The following ELP2 variants were observed in gnomAD, a reference collection of about 807,000 sequenced individuals.
The protein encoded by ELP2 is elongator complex protein 2.
ELP2 carries 90 observed loss-of-function variants against 119.2 expected under a neutral mutation model. The observed-to-expected ratio is 0.75, with a 90% CI of 0.64 to 0.90. The LOEUF (loss-of-function observed/expected upper bound fraction) is 0.90. Ranked by LOEUF, ELP2 falls within the 40% of genes least tolerant of loss-of-function variation. The pLI is 0.00. For synonymous variants in ELP2, 339 were observed against 331.0 expected (o/e 1.02, Z -0.26); for missense variants, 921 against 967.8 (o/e 0.95, Z 0.64).
chr18:36,171,253 C>T (rs2091073390), intron 21 of ELP2, 93 bp downstream of exon 21: 2 of 816,844 alleles, frequency 2.4e-6, no homozygotes, highest in Admixed American at 2.0e-5. Context: ...TGGAGAGGGA[C>T]ATATATCTGT....
chr18:36,169,477 G>A (rs1308081878), intron 19 of ELP2, among the ~76,000 whole-genome samples: 1 of 149,390 alleles, frequency 6.7e-6, no homozygotes, highest in African/African-American at 2.5e-5. Flanking sequence ...ACCTCTGCCT[G>A]CTAGGTTCAA....
chr18:36,130,133 C>G (rs1166157446), intron 1 of ELP2, 62 bp downstream of exon 1: 7 of 1,609,486 alleles, frequency 4.3e-6, no homozygotes, highest in Non-Finnish European at 5.9e-6. Context: ...TGGACGTGCT[C>G]CGGGCGCGCT....
Position 36,166,319 on chromosome 18 carries a change from G to GTTTTTTTTTGTTTTT in ELP2, c.1955-773_1955-772insGTTTTTTTTTTTTTT, listed in dbSNP as rs1568022192. On this transcript the variant is annotated intron_variant, in intron 18 of 21. Transcript: ENST00000358232. The stretch of plus-strand genomic sequence containing the variant: ...AGTTATGTGGTTTTTGTTTTTTAGG[G>GTTTTTTTTTGTTTTT]TTTTTTTTTTTTTTTTTTTTTTTTT... 4.2e-5 allele frequency among the ~76,000 whole-genome samples: 3 copies of GTTTTTTTTTGTTTTT among 71,650 alleles called. 1 individual carries two copies. The highest frequency in any genetic ancestry group is 7.6e-5 in the Non-Finnish European group (3 of 39,304). The allele number at this position is 71,650 out of a possible 152,430, so 47.0% of individuals were successfully genotyped here.
chr18:36,139,173 C>CT (rs1236992361), intron 5 of ELP2, among the ~76,000 whole-genome samples: 1 of 152,148 alleles, frequency 6.6e-6, no homozygotes, highest in Non-Finnish European at 1.5e-5. Context: ...AGGAAAGAAT[C>CT]TAATTCTTTA....
At chr18:36,174,392 A>G (rs949874121) in intron 21 of ELP2, 93 bp from the exon 22 acceptor site, 2 of 1,248,060 alleles carry the variant, frequency 1.6e-6, no homozygotes, top group African/African-American at 3.0e-5. Flanking sequence ...CGATTTTAAA[A>G]CCTGTACATT....
At chr18:36,136,912 A>G (rs916290417) in intron 3 of ELP2, among the ~76,000 whole-genome samples, 4 of 152,268 alleles carry the variant, frequency 2.6e-5, no homozygotes, top group African/African-American at 9.6e-5. Context: ...CACTTCTGTC[A>G]TGTTATGTTT....
At chr18:36,163,223 T>A (rs2090791682) in intron 17 of ELP2, among the ~76,000 whole-genome samples, 1 of 151,714 alleles carries the variant, frequency 6.6e-6, no homozygotes, top group Non-Finnish European at 1.5e-5. Flanking sequence ...TCCATTTTGC[T>A]GCAGAAGACA....
At chr18:36,139,435 C>A (rs2089945218) in intron 5 of ELP2, 1 of 1,535,398 alleles carries the variant, frequency 6.5e-7, no homozygotes, top group African/African-American at 1.4e-5. Flanking sequence ...GGAAGACTGG[C>A]CAGGTGGAAC....
In ELP2 at chr18:36,170,121, C is replaced by G; in HGVS notation, c.2135C>G (p.Pro712Arg). Residue 712 changes from proline to arginine, a missense_variant, in exon 20 of 22, where the codon CCC (proline) becomes CGC (arginine). Transcript: ENST00000358232. ...TDDCIEHNIG[P>R]CSSVLDVGGA... is the part of the protein sequence containing the mutation. ...GACTGTATTGAGCACAACATTGGCCCCTGCTCCTCAGTCCTGGACGTGGGT... is the reference window on the plus strand; with the variant it reads ...GACTGTATTGAGCACAACATTGGCCGCTGCTCCTCAGTCCTGGACGTGGGT... The G allele has an allele frequency of 1.2e-6, 2 of 1,614,062 alleles. No homozygotes were observed. Among genetic ancestry groups the G allele is most frequent in the Non-Finnish European group, 1.7e-6 (2 of 1,180,016 alleles).
In ELP2 at chr18:36,178,512, A is replaced by G. The variant is rs971107053; in HGVS notation, c.*3871A>G. The G allele has an allele frequency of 3.3e-5, 5 of 152,184 alleles. No homozygotes were observed. The highest frequency in any genetic ancestry group is 9.7e-5 in the African/African-American group (4 of 41,442). The allele number at this position is 152,184 out of a possible 1,614,324, so 9.4% of individuals were successfully genotyped here. ...CCTCTTGATCTGAACTAGCCAATCAATCTTGTAAAAATGTGCTTAAGGGAC... is the reference window on the plus strand; with the variant it reads ...CCTCTTGATCTGAACTAGCCAATCAGTCTTGTAAAAATGTGCTTAAGGGAC... On this transcript the variant is annotated 3_prime_UTR_variant, in exon 22 of 22. Coordinates refer to ENST00000358232, the MANE Select transcript of ELP2 (RefSeq NM_018255.4).
At chr18:36,154,580 G>A (rs1488406116) in intron 11 of ELP2, among the ~76,000 whole-genome samples, 1 of 152,210 alleles carries the variant, frequency 6.6e-6, no homozygotes, top group East Asian at 1.9e-4. Flanking sequence ...GACACAGAAA[G>A]GTTAAGTAGT....
At chr18:36,144,068 G>C (rs2090124262) in intron 8 of ELP2, among the ~76,000 whole-genome samples, 1 of 151,942 alleles carries the variant, frequency 6.6e-6, no homozygotes, top group Non-Finnish European at 1.5e-5. Flanking sequence ...TATAAAGGTA[G>C]TTCAGTGAAC....
Position 36,169,954 on chromosome 18 carries a change from T to A in ELP2, c.2077-109T>A, listed in dbSNP as rs549088904. ...TACACGAATGTAATGATGCATTTTT[T>A]AAAATACCAGAGCAAATACTTTGTT... On this transcript the variant is annotated intron_variant, in intron 19 of 21. Coordinates refer to ENST00000358232, the MANE Select transcript of ELP2 (RefSeq NM_018255.4). The A allele has an allele frequency of 6.8e-5, 99 of 1,447,240 alleles. No individual in the cohort carries two copies. The African/African-American group carries it at 1.0e-3, about 15-fold the overall frequency. 89.6% of individuals were successfully genotyped at this position (1,447,240 alleles called of 1,614,324 possible).
intron 6 of ELP2, chr18:36,141,407 T>C: frequency 1.7e-6 from 1 of 581,010 alleles, no homozygotes; most frequent in Non-Finnish European, 3.1e-6. Flanking sequence ...GGCTCAGAGT[T>C]GTTAGGGGGA....
intron 19 of ELP2, among the ~76,000 whole-genome samples, chr18:36,167,998 G>A (rs1052760168): frequency 2.8e-4 from 42 of 152,214 alleles, no homozygotes; most frequent in South Asian, 2.1e-4. Context: ...TCTCCAACAT[G>A]ACCTTCACCT....
chr18:36,130,228 C>G (rs1181674863), intron 1 of ELP2, among the ~76,000 whole-genome samples, 157 bp downstream of exon 1: 1 of 152,132 alleles, frequency 6.6e-6, no homozygotes, highest in Non-Finnish European at 1.5e-5. Context: ...GTGGACCTGC[C>G]GGACTCGCTC....
At chr18:36,136,472 G>A in intron 3 of ELP2, 95 bp downstream of exon 3, 2 of 1,025,642 alleles carry the variant, frequency 1.9e-6, no homozygotes, top group Non-Finnish European at 3.1e-6. Context: ...CTGACGTGCA[G>A]TGGTGCGATC....
At chr18:36,143,646 CT>C (rs199610069) in intron 8 of ELP2, among the ~76,000 whole-genome samples, 1,921 of 152,188 alleles carry the variant, frequency 0.013, 18 homozygotes, top group South Asian at 0.054. Flanking sequence ...ATCCTTCCAC[CT>C]TGGTATCCTA....
intron 21 of ELP2, among the ~76,000 whole-genome samples, chr18:36,173,245 A>C (rs2091136351): frequency 6.6e-6 from 1 of 152,238 alleles, no homozygotes; most frequent in Non-Finnish European, 1.5e-5. Context: ...TTGAGATTCC[A>C]GTGATGTTGC....
Sources: gnomAD v4.1 joint callset for allele counts (sites outside exome capture counted in the v4.1 genomes callset) on GRCh38, gnomAD v4.1.1 for gene constraint, MANE v1.5 for transcripts, NCBI Gene and HGNC (gene_info 2026-07-23, HGNC 2026-07-21) for gene names.